The following RBFOX1 variants were observed in gnomAD, a reference collection of about 807,000 sequenced individuals.
RBFOX1 encodes the protein RNA binding protein fox-1 homolog 1.
In RBFOX1, 8 loss-of-function variants were observed where a neutral mutation model predicts 57.7. The observed-to-expected ratio is 0.14, with a 90% CI of 0.08 to 0.25. RBFOX1 has a LOEUF of 0.25. RBFOX1 is among the 10% of genes least tolerant of loss of function. The pLI is 1.00. For missense variants in RBFOX1, 611 were observed against 548.5 expected (o/e 1.11, Z -1.14); for synonymous variants, 326 against 222.4 (o/e 1.47, Z -4.15).
intron 1 of RBFOX1, among the ~76,000 whole-genome samples, chr16:6,030,512 T>G (rs1415172747): frequency 6.6e-6 from 1 of 152,222 alleles, no homozygotes; most frequent in Non-Finnish European, 1.5e-5. Context: ...CTCTTTTTAT[T>G]GTGATGTATG....
At chr16:6,051,423 G>T (rs546044945) in intron 1 of RBFOX1, among the ~76,000 whole-genome samples, 1 of 152,104 alleles carries the variant, frequency 6.6e-6, no homozygotes, top group Non-Finnish European at 1.5e-5. Context: ...TGCCTCCTGG[G>T]TTCAAGCGAT....
intron 1 of RBFOX1, chr16:5,366,133 A>G (rs2151355604): frequency 2.3e-6 from 1 of 442,750 alleles, no homozygotes; most frequent in Non-Finnish European, 4.4e-6. Context: ...GCTAATGGAC[A>G]GCACTTTGTA....
intron 2 of RBFOX1, among the ~76,000 whole-genome samples, chr16:6,512,094 G>T (rs1164266140): frequency 6.7e-6 from 1 of 150,122 alleles, no homozygotes; most frequent in African/African-American, 2.5e-5. Context: ...AACATAGTAA[G>T]ACCTCTCTTC....
intron 10 of RBFOX1, among the ~76,000 whole-genome samples, chr16:7,610,891 G>A (rs1224462017): frequency 2.0e-5 from 3 of 152,092 alleles, no homozygotes; most frequent in Non-Finnish European, 2.9e-5. Context: ...AATTTATGGG[G>A]CATTTAAAAT....
At chr16:7,038,626 T>A (rs2045236611) in intron 3 of RBFOX1, among the ~76,000 whole-genome samples, 1 of 152,158 alleles carries the variant, frequency 6.6e-6, no homozygotes, top group Admixed American at 6.5e-5. Flanking sequence ...GGGGCTGCCC[T>A]TTCATTTCAA....
intron 1 of RBFOX1, among the ~76,000 whole-genome samples, chr16:5,268,579 AT>A (rs563595668): frequency 6.6e-6 from 1 of 152,056 alleles, no homozygotes; most frequent in Non-Finnish European, 1.5e-5. Flanking sequence ...GCAGAGGGTG[AT>A]TTTTTTTATG....
Position 7,215,204 on chromosome 16 carries a change from G to A in RBFOX1, c.27+163106G>A, listed in dbSNP as rs916266970. On this transcript the variant is annotated intron_variant, in intron 4 of 15. Transcript: ENST00000550418. ...TTAGTTTGCTGAGGATGATGGTTCA[G>A]CTTCATCCGTGTCTCCAAGTGTAAA... Among the ~76,000 whole-genome samples, 3 of 152,174 alleles carry A rather than the reference G, an allele frequency of 2.0e-5. No homozygotes were observed. The East Asian group carries it at 5.8e-4, about 29-fold the overall frequency.
At chr16:7,400,051 G>A (rs1355621827) in intron 4 of RBFOX1, among the ~76,000 whole-genome samples, 1 of 152,128 alleles carries the variant, frequency 6.6e-6, no homozygotes, top group African/African-American at 2.4e-5. Context: ...ATTTATTGAT[G>A]AGAAAATTGA....
chr16:6,099,331 G>A (rs2096278905), intron 1 of RBFOX1, among the ~76,000 whole-genome samples: 1 of 152,166 alleles, frequency 6.6e-6, no homozygotes, highest in Non-Finnish European at 1.5e-5. Flanking sequence ...AAGGGTCTAT[G>A]AGAACACAAA....
At chr16:7,425,202 A>G (rs1485347655) in intron 4 of RBFOX1, among the ~76,000 whole-genome samples, 6 of 152,226 alleles carry the variant, frequency 3.9e-5, no homozygotes, top group Admixed American at 3.3e-4. Flanking sequence ...GTAGAATGCT[A>G]GAAGTCCATT....
At chr16:6,008,131 G>A (rs537369761) in intron 4 of RBFOX1, among the ~76,000 whole-genome samples, 1 of 152,246 alleles carries the variant, frequency 6.6e-6, no homozygotes, top group Admixed American at 6.5e-5. Flanking sequence ...CTTGAACCTG[G>A]CAGGCAGAGG....
chr16:5,898,475 G>A (rs752098991), intron 4 of RBFOX1, among the ~76,000 whole-genome samples: 4 of 151,662 alleles, frequency 2.6e-5, no homozygotes, highest in Non-Finnish European at 4.4e-5. Context: ...ACTGTCCTGT[G>A]TGGCCTTTAA....
intron 3 of RBFOX1, among the ~76,000 whole-genome samples, chr16:7,020,852 C>G: frequency 6.6e-6 from 1 of 152,274 alleles, no homozygotes; most frequent in East Asian, 1.9e-4. Context: ...CGAGGCCAGT[C>G]TTGAAGGCTC....
At chr16:6,795,326 T>G (rs2083757502) in intron 3 of RBFOX1, among the ~76,000 whole-genome samples, 1 of 152,136 alleles carries the variant, frequency 6.6e-6, no homozygotes. Context: ...CAACACTGGT[T>G]TCAGGGCTGC....
chr16:7,451,601 G>A (rs916368729), intron 4 of RBFOX1, among the ~76,000 whole-genome samples: 2 of 152,118 alleles, frequency 1.3e-5, no homozygotes, highest in Admixed American at 1.3e-4. Context: ...CTGGTGAGTT[G>A]CAAATATTCT....
At chr16:6,570,142 A>C (rs879788261) in intron 2 of RBFOX1, among the ~76,000 whole-genome samples, 4 of 152,204 alleles carry the variant, frequency 2.6e-5, no homozygotes, top group African/African-American at 9.6e-5. Context: ...ATCTGACTAC[A>C]CTAATTTCGT....
intron 1 of RBFOX1, among the ~76,000 whole-genome samples, chr16:6,307,140 T>C (rs928348782): frequency 6.6e-6 from 1 of 152,190 alleles, no homozygotes; most frequent in Non-Finnish European, 1.5e-5. Context: ...AGCAAGTTCT[T>C]TCAGATTCGT....
chr16:5,321,637 C>T (rs551602858), intron 1 of RBFOX1, among the ~76,000 whole-genome samples: 20 of 152,152 alleles, frequency 1.3e-4, no homozygotes, highest in Middle Eastern at 3.4e-3. Flanking sequence ...ATTTTTAAAG[C>T]CACTAGGTTC....
intron 4 of RBFOX1, among the ~76,000 whole-genome samples, chr16:7,463,063 C>G (rs1231023923): frequency 6.6e-6 from 1 of 152,202 alleles, no homozygotes; most frequent in Non-Finnish European, 1.5e-5. Flanking sequence ...AAATTCATTG[C>G]TCACAGTTCT....
Sources: gnomAD v4.1 joint callset for allele counts (sites outside exome capture counted in the v4.1 genomes callset) on GRCh38, gnomAD v4.1.1 for gene constraint, MANE v1.5 for transcripts, NCBI Gene and HGNC (gene_info 2026-07-23, HGNC 2026-07-21) for gene names.